Variants in NDRG4 observed in about 807,000 individuals in gnomAD.
The protein encoded by NDRG4 is NDRG family member 4.
Under a neutral mutation model 55.8 loss-of-function variants are expected in NDRG4, and 38 were observed. The ratio of observed to expected loss-of-function variants is 0.68; its 90% CI spans 0.53 to 0.89. NDRG4 has a LOEUF of 0.89. Among genes scored for constraint, NDRG4 ranks in the 40% least tolerant of loss-of-function variants. The probability of loss-of-function intolerance (pLI) is 0.00; values close to 1 mark genes in which losing one functional copy is unlikely to be tolerated. For missense variants in NDRG4, 455 were observed against 468.6 expected (o/e 0.97, Z 0.27); for synonymous variants, 190 against 182.7 (o/e 1.04, Z -0.32).
chr16:58,473,653 G>C (rs2033181977), intron 1 of NDRG4, among the ~76,000 whole-genome samples: 2 of 152,006 alleles, frequency 1.3e-5, no homozygotes, highest in Non-Finnish European at 2.9e-5. Flanking sequence ...ATGTCTGATG[G>C]ATCCGTGAGT....
intron 1 of NDRG4, chr16:58,501,916 C>G (rs1292971338): frequency 6.7e-6 from 3 of 449,302 alleles, no homozygotes; most frequent in Non-Finnish European, 1.4e-5. Flanking sequence ...CGACGTCTGA[C>G]CCCAGGAGGA....
At chr16:58,467,439 G>C (rs1158838644) in intron 1 of NDRG4, among the ~76,000 whole-genome samples, 1 of 152,174 alleles carries the variant, frequency 6.6e-6, no homozygotes, top group Non-Finnish European at 1.5e-5. Context: ...CCTGGGAGAG[G>C]GAGGTTGCAG....
At position 58,464,398 on chromosome 16, in the gene NDRG4, G is replaced by T. The variant is rs1210657829; in HGVS notation, c.-24+601G>T. Reference sequence around the variant, plus strand: ...CGGCCGAGCGCGCTGCCCCGACGCCGCCACCCAGAGCCGGGCCGCGCCGGG... The same window carrying T: ...CGGCCGAGCGCGCTGCCCCGACGCCTCCACCCAGAGCCGGGCCGCGCCGGG... On this transcript the variant is annotated intron_variant, in intron 1 of 15. Transcript: ENST00000258187. The surrounding 1 kb of genome is among the most constrained non-coding windows in gnomAD (Gnocchi z 4.8). The T allele has an allele frequency of 7.3e-7, 1 of 1,366,816 alleles. No individual in the cohort carries two copies. Among genetic ancestry groups the T allele is most frequent in the Admixed American group, 3.6e-5 (1 of 27,672 alleles). 84.7% of individuals were successfully genotyped at this position (1,366,816 alleles called of 1,614,324 possible). A position where few individuals can be genotyped will look rare whatever the true frequency, so the allele number is the denominator to read the frequency against.
chr16:58,506,888 C>T (rs1276816257), intron 7 of NDRG4, 24 bp from the exon 8 acceptor site: 1 of 1,603,070 alleles, frequency 6.2e-7, no homozygotes, highest in African/African-American at 1.3e-5. Context: ...CTCTGCATGC[C>T]TCCATCCATC....
Position 58,494,768 on chromosome 16 carries a change from G to A in NDRG4, c.73-196G>A, listed in dbSNP as rs113878610. Among the ~76,000 whole-genome samples the A allele has an allele frequency of 8.9e-3, 1,339 of 150,502 alleles. 15 individuals carry two copies. Among genetic ancestry groups the A allele is most frequent in the East Asian group, 0.013 (66 of 5,092 alleles). ...GATCATTTGAACCCAGGAGTTGGAGGATACAGTGAGCTGTGATTGCACCAC... is the reference window on the plus strand; with the variant it reads ...GATCATTTGAACCCAGGAGTTGGAGAATACAGTGAGCTGTGATTGCACCAC... On this transcript the variant is annotated intron_variant, in intron 2 of 15. Coordinates refer to the NDRG4 transcript ENST00000258187.
In NDRG4 at chr16:58,512,456, C is replaced by A; in HGVS notation, c.*880C>A. 4.1e-5 allele frequency: 10 copies of A among 244,920 alleles called. No homozygotes were observed. The highest frequency in any genetic ancestry group is 3.7e-4 in the South Asian group (9 of 24,122). 15.2% of individuals were successfully genotyped at this position (244,920 alleles called of 1,614,324 possible). A position where few individuals can be genotyped will look rare whatever the true frequency, so the allele number is the denominator to read the frequency against. On this transcript the variant is annotated 3_prime_UTR_variant, in exon 15 of 15. Transcript: ENST00000570248. Reference sequence around the variant, plus strand: ...GCAGGGGTAGCTGAGTTCCTGGAGACCCCTTTTTTGCCCCCAGGTTCCCCA... The same window carrying A: ...GCAGGGGTAGCTGAGTTCCTGGAGAACCCTTTTTTGCCCCCAGGTTCCCCA...
intron 5 of NDRG4, chr16:58,505,985 G>A (rs2037916271): frequency 9.2e-6 from 3 of 327,180 alleles, no homozygotes; most frequent in South Asian, 7.6e-5. Context: ...GCCTCCCAAA[G>A]TGCTGGGATT....
chr16:58,464,152 G>A lies in NDRG4; in HGVS notation c.-24+355G>A, dbSNP rs2031104352. ...CACGGTGTCACCGCACCCACCCCGC[G>A]CCCTTCCTCCGCCTCCTGGAGTTCA... On this transcript the variant is annotated intron_variant, in intron 1 of 15. Coordinates refer to the NDRG4 transcript ENST00000258187. This position sits in a 1 kb window ranked among gnomAD's most constrained non-coding sequence, Gnocchi z 4.8. The A allele has an allele frequency of 5.5e-6, 2 of 361,320 alleles. No homozygotes were observed. The highest frequency in any genetic ancestry group is 4.1e-5 in the East Asian group (1 of 24,688). The allele number at this position is 361,320 out of a possible 1,614,324, so 22.4% of individuals were successfully genotyped here.
At chr16:58,479,832 A>G (rs2034182066) in intron 1 of NDRG4, among the ~76,000 whole-genome samples, 1 of 152,128 alleles carries the variant, frequency 6.6e-6, no homozygotes, top group Non-Finnish European at 1.5e-5. Context: ...TTTCACGTGC[A>G]TTTCTCTGAC....
rs1045453189 is a variant in NDRG4 at position 58,464,365 on chromosome 16, C to T, written c.-24+568C>T. 3.7e-6 allele frequency: 5 copies of T among 1,339,458 alleles called. No individual in the cohort carries two copies. In the African/African-American group the frequency reaches 7.7e-5, roughly 21 times the overall value. 83.0% of individuals were successfully genotyped at this position (1,339,458 alleles called of 1,614,324 possible). On this transcript the variant is annotated intron_variant, in intron 1 of 15. Coordinates refer to the NDRG4 transcript ENST00000258187. This position sits in a 1 kb window ranked among gnomAD's most constrained non-coding sequence, Gnocchi z 4.8. ...CGCTCCGGGTCTCCCGCGCTCCTCT[C>T]CCCGGCTCGGCCGAGCGCGCTGCCC...
At position 58,464,193 on chromosome 16, in the gene NDRG4, G is replaced by A. The variant is rs567920267; in HGVS notation, c.-24+396G>A. 191 of 385,472 alleles carry A rather than the reference G, an allele frequency of 5.0e-4. No individual in the cohort carries two copies. Among genetic ancestry groups the A allele is most frequent in the African/African-American group, 3.1e-3 (151 of 48,066 alleles). The allele number at this position is 385,472 out of a possible 1,614,324, so 23.9% of individuals were successfully genotyped here. A position where few individuals can be genotyped will look rare whatever the true frequency, so the allele number is the denominator to read the frequency against. ...CTGGAGTTCACCGGGACCAGGTGGC[G>A]GCGGGTGCCTTTTTGGGGGTGCGCG... is the stretch of plus-strand genomic sequence containing the variant. On this transcript the variant is annotated intron_variant, in intron 1 of 15. Transcript: ENST00000258187. This position sits in a 1 kb window ranked among gnomAD's most constrained non-coding sequence, Gnocchi z 4.8.
Position 58,500,466 on chromosome 16 carries a change from G to A in NDRG4, c.21+197G>A. ...GATCCTGTTTGCAGGAGTGGCTGGG[G>A]GCAGCTGCTAGTCAGAGCCCATAGC... On this transcript the variant is annotated intron_variant, in intron 1 of 14. Coordinates refer to ENST00000570248, the MANE Select transcript of NDRG4 (RefSeq NM_001242835.2). 4.3e-6 allele frequency: 3 copies of A among 703,310 alleles called. 1 individual carries two copies. The South Asian group carries it at 5.8e-5, about 14-fold the overall frequency. 43.6% of individuals were successfully genotyped at this position (703,310 alleles called of 1,614,324 possible).
intron 1 of NDRG4, among the ~76,000 whole-genome samples, chr16:58,470,500 A>T (rs990907806): frequency 6.6e-6 from 1 of 152,222 alleles, no homozygotes; most frequent in Non-Finnish European, 1.5e-5. Context: ...GAACCTGTAA[A>T]TGTTACCTGA....
intron 5 of NDRG4, among the ~76,000 whole-genome samples, chr16:58,505,428 A>C (rs1044638691): frequency 2.1e-4 from 32 of 149,732 alleles, no homozygotes; most frequent in African/African-American, 6.6e-4. Context: ...GCAAAAAAAA[A>C]AAAAACAAAA....
intron 1 of NDRG4, among the ~76,000 whole-genome samples, chr16:58,474,054 T>TGAGA (rs1164822828): frequency 8.5e-6 from 1 of 118,072 alleles, no homozygotes; most frequent in Non-Finnish European, 1.8e-5. Flanking sequence ...TTTTTTTTTT[T>TGAGA]GAGAGAGAAT....
intron 1 of NDRG4, among the ~76,000 whole-genome samples, chr16:58,469,978 CAT>C (rs2032455927): frequency 6.6e-6 from 1 of 152,170 alleles, no homozygotes; most frequent in Admixed American, 6.5e-5. Context: ...TGTTTCAAAA[CAT>C]ATTTTTTGTT....
intron 1 of NDRG4, 191 bp downstream of exon 1, chr16:58,500,460 G>C: frequency 1.4e-6 from 1 of 714,930 alleles, no homozygotes; most frequent in Non-Finnish European, 2.2e-6. Context: ...TGCAGGAGTG[G>C]CTGGGGGCAG....
At chr16:58,509,220 C>T in intron 12 of NDRG4, 31 bp downstream of exon 12, 2 of 1,613,948 alleles carry the variant, frequency 1.2e-6, no homozygotes, top group Non-Finnish European at 1.7e-6. Flanking sequence ...GCCCTTACAT[C>T]TATGGGGAGG....
chr16:58,485,297 T>C (rs2034961633), intron 1 of NDRG4, among the ~76,000 whole-genome samples: 1 of 152,180 alleles, frequency 6.6e-6, no homozygotes, highest in African/African-American at 2.4e-5. Flanking sequence ...CTGTTTTTCA[T>C]GGGCTGAGAC....
Sources: gnomAD v4.1 joint callset for allele counts (sites outside exome capture counted in the v4.1 genomes callset) on GRCh38, gnomAD v4.1.1 for gene constraint, Gnocchi (gnomAD v3.1) non-coding constraint, MANE v1.5 for transcripts, NCBI Gene and HGNC (gene_info 2026-07-23, HGNC 2026-07-21) for gene names.